The following PTBP3 variants were observed in gnomAD, a reference collection of about 807,000 sequenced individuals.
PTBP3 encodes the protein polypyrimidine tract binding protein 3.
A neutral mutation model predicts 58.7 loss-of-function variants in PTBP3; 20 were observed. The observed-to-expected ratio is 0.34, with a 90% CI of 0.24 to 0.50. PTBP3 has a LOEUF of 0.50. Ranked by LOEUF, PTBP3 falls within the 20% of genes least tolerant of loss-of-function variation. The pLI, the probability that PTBP3 is intolerant of heterozygous loss-of-function variation, is 0.98. For synonymous variants in PTBP3, 185 were observed against 219.8 expected, an observed-to-expected ratio of 0.84 and a Z score of 1.40; for missense variants, 509 against 637.2, an observed-to-expected ratio of 0.80 and a Z score of 2.17.
chr9:112,278,329 G>C (rs184420101), intron 2 of PTBP3, among the ~76,000 whole-genome samples: 2 of 152,268 alleles, frequency 1.3e-5, no homozygotes, highest in East Asian at 1.9e-4. Context: ...GTTGAACAGG[G>C]AATGTCTTTT....
chr9:112,260,477 T>G (rs570210752), intron 5 of PTBP3, among the ~76,000 whole-genome samples: 7 of 152,260 alleles, frequency 4.6e-5, no homozygotes, highest in Non-Finnish European at 7.3e-5. Context: ...GGAGAGGGCT[T>G]GTTTAATGTA....
the PTBP3 span, among the ~76,000 whole-genome samples, chr9:112,363,739 C>G: frequency 2.0e-5 from 3 of 152,096 alleles, no homozygotes; most frequent in Non-Finnish European, 4.4e-5. Flanking sequence ...GCTAGATTCA[C>G]AGAAAAATTG....
At chr9:112,290,738 A>ACAC (rs1564438731) in intron 2 of PTBP3, among the ~76,000 whole-genome samples, 2 of 148,572 alleles carry the variant, frequency 1.3e-5, no homozygotes, top group Non-Finnish European at 3.0e-5. Context: ...ACACACACAC[A>ACAC]ATCAAGTGTT....
At chr9:112,289,432 A>G (rs1361752771) in intron 2 of PTBP3, among the ~76,000 whole-genome samples, 3 of 152,160 alleles carry the variant, frequency 2.0e-5, no homozygotes, top group Non-Finnish European at 4.4e-5. Context: ...AAAAAAACCT[A>G]GCTATTTGCA....
intron 7 of PTBP3, among the ~76,000 whole-genome samples, chr9:112,239,012 A>G (rs1002107423): frequency 6.6e-6 from 1 of 152,200 alleles, no homozygotes; most frequent in African/African-American, 2.4e-5. Flanking sequence ...CACTGATTGT[A>G]CAAAACAATA....
At chr9:112,295,590 G>A (rs1429889485) in intron 2 of PTBP3, among the ~76,000 whole-genome samples, 2 of 129,990 alleles carry the variant, frequency 1.5e-5, no homozygotes, top group Non-Finnish European at 3.1e-5. Context: ...TAAAAATTGA[G>A]GTTCTGTTGG....
chr9:112,267,695 C>T (rs1179962260), intron 4 of PTBP3, among the ~76,000 whole-genome samples: 1 of 151,482 alleles, frequency 6.6e-6, no homozygotes, highest in African/African-American at 2.4e-5. Flanking sequence ...TGTTAAATTC[C>T]ATTACTTAAT....
intron 2 of PTBP3, among the ~76,000 whole-genome samples, chr9:112,278,373 A>G (rs1294402555): frequency 6.6e-6 from 1 of 152,186 alleles, no homozygotes; most frequent in African/African-American, 2.4e-5. Flanking sequence ...AGAGCTAAAC[A>G]ATACCACCAC....
chr9:112,346,014 C>T, the PTBP3 span, among the ~76,000 whole-genome samples: 11 of 152,070 alleles, frequency 7.2e-5, no homozygotes, highest in Middle Eastern at 3.4e-3. Context: ...CGCCATCATG[C>T]CCAGCTAATT....
intron 2 of PTBP3, among the ~76,000 whole-genome samples, chr9:112,286,813 T>C (rs886932549): frequency 6.6e-5 from 10 of 152,224 alleles, no homozygotes; most frequent in African/African-American, 2.2e-4. Flanking sequence ...AATGGAAGTC[T>C]GCTGCTAACA....
chr9:112,374,110 C>T, the PTBP3 span, among the ~76,000 whole-genome samples: 1 of 152,110 alleles, frequency 6.6e-6, no homozygotes, highest in Non-Finnish European at 1.5e-5. Flanking sequence ...CACTGAGATG[C>T]CCTAATGGAT....
At chr9:112,325,456 G>A (rs756961969) in intron 1 of PTBP3, among the ~76,000 whole-genome samples, 5 of 151,934 alleles carry the variant, frequency 3.3e-5, no homozygotes, top group Non-Finnish European at 7.4e-5. Flanking sequence ...CTCCCCTTTC[G>A]CTTAATAAAT....
the PTBP3 span, among the ~76,000 whole-genome samples, chr9:112,372,745 C>A: frequency 6.6e-6 from 1 of 152,188 alleles, no homozygotes; most frequent in South Asian, 2.1e-4. Context: ...ATCAGTACTT[C>A]ATTCCTTTTT....
At chr9:112,328,899 G>A (rs1046476410) in intron 1 of PTBP3, among the ~76,000 whole-genome samples, 5 of 149,248 alleles carry the variant, frequency 3.4e-5, no homozygotes, top group African/African-American at 7.3e-5. Flanking sequence ...ACCCAAAGTG[G>A]TGGAACAAAT....
chr9:112,331,466 A>C (rs539551558), intron 1 of PTBP3, among the ~76,000 whole-genome samples: 1 of 152,362 alleles, frequency 6.6e-6, no homozygotes, highest in South Asian at 2.1e-4. Flanking sequence ...TCATTACCTC[A>C]TAAAAGTCAA....
chr9:112,301,308 C>CACTT (rs1248155827), intron 1 of PTBP3, among the ~76,000 whole-genome samples: 1 of 151,992 alleles, frequency 6.6e-6, no homozygotes, highest in Non-Finnish European at 1.5e-5. Flanking sequence ...ATGATACTAC[C>CACTT]ACTTAACTAT....
At chr9:112,266,143 T>G (rs916223279) in intron 4 of PTBP3, among the ~76,000 whole-genome samples, 1 of 152,110 alleles carries the variant, frequency 6.6e-6, no homozygotes, top group Non-Finnish European at 1.5e-5. Flanking sequence ...ATAGAGTGTT[T>G]CAGTTTGAGG....
chr9:112,366,309 G>T, the PTBP3 span, among the ~76,000 whole-genome samples: 1 of 151,800 alleles, frequency 6.6e-6, no homozygotes, highest in East Asian at 1.9e-4. Flanking sequence ...TAAGTAATGA[G>T]GAGCTGAATG....
intron 2 of PTBP3, among the ~76,000 whole-genome samples, chr9:112,287,966 T>C (rs1018993230): frequency 6.6e-6 from 1 of 152,230 alleles, no homozygotes. Context: ...TGTCTGGCAA[T>C]TGGATGCTCC....
Sources: allele counts gnomAD v4.1 joint callset (sites outside exome capture counted in the v4.1 genomes callset), GRCh38; gene constraint gnomAD v4.1.1; transcripts MANE v1.5; gene names NCBI Gene and HGNC (gene_info 2026-07-23, HGNC 2026-07-21).